The following MYO1C variants were observed in gnomAD, a reference collection of about 807,000 sequenced individuals.
MYO1C encodes the protein unconventional myosin-Ic.
Under a neutral mutation model 150.8 loss-of-function variants are expected in MYO1C, and 104 were observed. That is an observed-to-expected ratio of 0.69 (90% CI 0.59 to 0.81). The LOEUF (loss-of-function observed/expected upper bound fraction) is 0.81, where lower values mean the gene tolerates loss of function less well. Ranked by LOEUF, MYO1C falls within the 30% of genes least tolerant of loss-of-function variation. MYO1C has a pLI of 0.00. For missense variants in MYO1C, 1,504 were observed against 1,435.0 expected (o/e 1.05, Z -0.78); for synonymous variants, 663 against 579.9 (o/e 1.14, Z -2.06).
At chr17:1,483,559 A>T in intron 3 of MYO1C, 51 bp downstream of exon 3, 1 of 1,350,502 alleles carries the variant, frequency 7.4e-7, no homozygotes, top group Non-Finnish European at 1.0e-6. Context: ...GGGCGGGGTC[A>T]CCTCAGATGG....
rs777153997 is a variant in MYO1C, at chr17:1,470,529, A to G, written c.2282-10T>C. ...GACTGGATGCAGATGGCTGTCGTGG[A>G]GACCACAGATGGCTGAACTCTATCT... On this transcript the variant is annotated splice_polypyrimidine_tract_variant and intron_variant, in intron 22 of 31. Transcript: ENST00000648651. The G allele has an allele frequency of 2.2e-5, 34 of 1,555,108 alleles. No homozygotes were observed. The highest frequency in any genetic ancestry group is 2.0e-5 in the Non-Finnish European group (23 of 1,148,908).
At chr17:1,487,561 C>G (rs1407920123) in intron 1 of MYO1C, among the ~76,000 whole-genome samples, 4 of 146,338 alleles carry the variant, frequency 2.7e-5, no homozygotes, top group Non-Finnish European at 4.5e-5. Flanking sequence ...GGAATGGCGG[C>G]GTCTCGGACA....
At chr17:1,485,589 G>T in intron 1 of MYO1C, 2 of 898,388 alleles carry the variant, frequency 2.2e-6, no homozygotes, top group Non-Finnish European at 2.8e-6. Context: ...TTTTCCACCC[G>T]GAATTCCTGG....
Position 1,467,948 on chromosome 17 carries a change from G to A in MYO1C, c.2897-38C>T, listed in dbSNP as rs778044171. 21 of 1,612,862 alleles carry A rather than the reference G, an allele frequency of 1.3e-5. No homozygotes were observed. The South Asian group carries it at 2.3e-4, about 18-fold the overall frequency. On this transcript the variant is annotated intron_variant, in intron 28 of 31. Coordinates refer to ENST00000648651, the MANE Select transcript of MYO1C (RefSeq NM_001080779.2). ...GGCAAAGGTCAGAGGTCGAGGGTCA[G>A]AGCAGGGCCCTCCCCCTGCAGCCCT...
intron 14 of MYO1C, 181 bp downstream of exon 14, chr17:1,477,324 C>A (rs114251079): frequency 6.2e-6 from 4 of 644,930 alleles, no homozygotes; most frequent in Non-Finnish European, 8.6e-6. Context: ...GGACTCCAGG[C>A]GTGTCAGCAT....
At chr17:1,474,483 C>A in intron 17 of MYO1C, 127 bp downstream of exon 17, 1 of 907,502 alleles carries the variant, frequency 1.1e-6, no homozygotes, top group Non-Finnish European at 1.8e-6. Flanking sequence ...CAGCCCCCTA[C>A]AGACACCTGC....
rs78822861 is a variant in MYO1C, at chr17:1,484,662, G to T, written c.76-359C>A. ...CTGGTTTTGGGTGGAGAAAGGGGGG[G>T]TCACAAGAAGGAACTCCTTGAAATA... On this transcript the variant is annotated intron_variant, in intron 1 of 31. Transcript: ENST00000648651. 2,901 of 454,944 alleles carry T rather than the reference G, an allele frequency of 6.4e-3. 66 individuals carry two copies. The highest frequency in any genetic ancestry group is 0.052 in the African/African-American group (2,618 of 50,256). The allele number at this position is 454,944 out of a possible 1,614,324, so 28.2% of individuals were successfully genotyped here. A position where few individuals can be genotyped will look rare whatever the true frequency, so the allele number is the denominator to read the frequency against.
chr17:1,468,361 A>T (rs1192614554), intron 26 of MYO1C, 42 bp downstream of exon 26: 3 of 1,613,504 alleles, frequency 1.9e-6, no homozygotes, highest in Non-Finnish European at 2.5e-6. Flanking sequence ...GGGGACCAGG[A>T]TGGTGACGAA....
At position 1,492,489 on chromosome 17, in the gene MYO1C, C is replaced by G. The variant is rs367644283; in HGVS notation, c.-2G>C. ...TACCAGCTCCACTTGCAGCGCCATT[C>G]CGCCCTGCGGAGAGCCAGCGGCCTG... On this transcript the variant is annotated 5_prime_UTR_variant, in exon 1 of 32. Coordinates refer to ENST00000648651, the MANE Select transcript of MYO1C (RefSeq NM_001080779.2). 1.4e-5 allele frequency: 22 copies of G among 1,599,210 alleles called. No homozygotes were observed. Among genetic ancestry groups the G allele is most frequent in the Non-Finnish European group, 1.8e-5 (21 of 1,173,354 alleles).
intron 31 of MYO1C, among the ~76,000 whole-genome samples, chr17:1,466,115 C>CAATCA (rs1246318965): frequency 6.6e-6 from 1 of 151,134 alleles, no homozygotes; most frequent in Non-Finnish European, 1.5e-5. Flanking sequence ...CTGGCACCCC[C>CAATCA]AATCAGCCTA....
chr17:1,481,826 TAAA>T (rs36123893), intron 5 of MYO1C, among the ~76,000 whole-genome samples: 2 of 134,526 alleles, frequency 1.5e-5, no homozygotes, highest in Admixed American at 7.5e-5. Flanking sequence ...TACTCAGAGT[TAAA>T]AAAAAAAAAA....
rs1598321039 is a variant in MYO1C, at chr17:1,468,607, T to C, written c.2611-111A>G. 3 of 850,986 alleles carry C rather than the reference T, an allele frequency of 3.5e-6. No homozygotes were observed. The East Asian group carries it at 7.6e-5, about 22-fold the overall frequency. The allele number at this position is 850,986 out of a possible 1,614,324, so 52.7% of individuals were successfully genotyped here. On this transcript the variant is annotated intron_variant, in intron 25 of 31. Coordinates refer to ENST00000648651, the MANE Select transcript of MYO1C (RefSeq NM_001080779.2). ...CCTCCCTCACCCGCTTGCTGGTCCC[T>C]CTCTGGCTCAGCACCAGGAGGCTGA... is the stretch of plus-strand genomic sequence containing the variant.
rs968305173 is a variant in MYO1C at position 1,491,453 on chromosome 17, C to G, written c.75+960G>C. ...GGCGCCTCCGGGTCGTGGGACCCCC[C>G]CCCCCCGCACGGGTCCACGCGGCCG... On this transcript the variant is annotated intron_variant, in intron 1 of 31. Coordinates refer to ENST00000648651, the MANE Select transcript of MYO1C (RefSeq NM_001080779.2). The G allele has an allele frequency of 1.2e-4, 21 of 173,206 alleles. No homozygotes were observed. The Admixed American group carries it at 1.5e-3, about 12-fold the overall frequency. The allele number at this position is 173,206 out of a possible 1,614,324, so 10.7% of individuals were successfully genotyped here. A position where few individuals can be genotyped will look rare whatever the true frequency, so the allele number is the denominator to read the frequency against.
In MYO1C at chr17:1,468,387, A is replaced by T. The variant is rs944500943; in HGVS notation, c.2704+16T>A. On this transcript the variant is annotated intron_variant, in intron 26 of 31. Transcript: ENST00000648651. ...TGGTGACGAAAGGTCTGAGTGCTGG[A>T]AAGTCAGGGGCTCACCAAGCCGAGT... is the stretch of plus-strand genomic sequence containing the variant. 2 of 1,613,730 alleles carry T rather than the reference A, an allele frequency of 1.2e-6. No individual in the cohort carries two copies. Among genetic ancestry groups the T allele is most frequent in the Non-Finnish European group, 1.7e-6 (2 of 1,179,680 alleles).
chr17:1,487,829 G>A (rs947590315), intron 1 of MYO1C, among the ~76,000 whole-genome samples: 4 of 152,234 alleles, frequency 2.6e-5, no homozygotes, highest in African/African-American at 7.2e-5. Context: ...GCTGAGGCAC[G>A]AGAATCGCTT....
chr17:1,484,197 G>C lies in MYO1C; in HGVS notation c.182C>G (p.Ala61Gly). The C allele has an allele frequency of 6.2e-7, 1 of 1,612,958 alleles. No homozygotes were observed. Among genetic ancestry groups the C allele is most frequent in the Non-Finnish European group, 8.5e-7 (1 of 1,180,022 alleles). The change falls in exon 2 of 32, where the codon GCC becomes GGC. Residue 61 changes from alanine to glycine, a missense_variant. By Grantham distance (60) the Ala-to-Gly change is moderately conservative. Coordinates refer to ENST00000648651, the MANE Select transcript of MYO1C (RefSeq NM_001080779.2). ...FVLLENFTSEAAFIENLRRRF... is the reference protein window; with the variant it reads ...FVLLENFTSEGAFIENLRRRF... The stretch of plus-strand genomic sequence containing the variant: ...CCGCCGCAGGTTCTCGATGAAGGCG[G>C]CCTCGCTGGTGAAGTTCTCCAGCAG...
Position 1,478,332 on chromosome 17 carries a change from G to A in MYO1C, c.1295+78C>T. On this transcript the variant is annotated intron_variant, in intron 11 of 31. Transcript: ENST00000648651. The surrounding 1 kb of genome is among the most constrained non-coding windows in gnomAD (Gnocchi z 6.3). ...GGCTGGCTGGGGAGTCACAGGGCAG[G>A]AATGAGAGGCTGGAGGACAGAAGAG... is the stretch of plus-strand genomic sequence containing the variant. 4 of 1,587,864 alleles carry A rather than the reference G, an allele frequency of 2.5e-6. No homozygotes were observed. The highest frequency in any genetic ancestry group is 3.5e-6 in the Non-Finnish European group (4 of 1,156,304).
chr17:1,482,414 T>C (rs1270140622), intron 5 of MYO1C, 64 bp downstream of exon 5: 3 of 1,405,536 alleles, frequency 2.1e-6, no homozygotes, highest in Non-Finnish European at 3.0e-6. Context: ...TGGTACCCAG[T>C]AGGTGCTTCA....
chr17:1,471,781 G>A (rs949051913), intron 19 of MYO1C, 126 bp downstream of exon 19: 85 of 1,023,074 alleles, frequency 8.3e-5, no homozygotes, highest in Non-Finnish European at 1.1e-4. Context: ...TCCACCAAGG[G>A]CAGCCCAGGG....
Sources: gnomAD v4.1 joint callset for allele counts (sites outside exome capture counted in the v4.1 genomes callset) on GRCh38, gnomAD v4.1.1 for gene constraint, Gnocchi (gnomAD v3.1) non-coding constraint, MANE v1.5 for transcripts, NCBI Gene and HGNC (gene_info 2026-07-23, HGNC 2026-07-21) for gene names.